Variants in POLQ observed in about 807,000 individuals in gnomAD.
POLQ encodes epididymis secretory sperm binding protein.
A neutral mutation model predicts 259.2 loss-of-function variants in POLQ; 233 were observed. The observed-to-expected ratio is 0.90, with a 90% CI of 0.81 to 1.00. The LOEUF (loss-of-function observed/expected upper bound fraction) is 1.00, where lower values mean the gene tolerates loss of function less well. Among genes scored for constraint, POLQ ranks in the 50% least tolerant of loss-of-function variants. The probability of loss-of-function intolerance (pLI) is 0.00; values close to 1 mark genes in which losing one functional copy is unlikely to be tolerated. For missense variants in POLQ, 2,871 were observed against 3,051.6 expected, an observed-to-expected ratio of 0.94 and a Z score of 1.39; for synonymous variants, 1,025 against 1,048.8, an observed-to-expected ratio of 0.98 and a Z score of 0.44.
In POLQ at chr3:121,447,171, C is replaced by CTT. The variant is rs71133535; in HGVS notation, c.7264+2142_7264+2143dup. On this transcript the variant is annotated intron_variant, in intron 26 of 29. Coordinates refer to ENST00000264233, the MANE Select transcript of POLQ (RefSeq NM_199420.4). ...GACTTGCAAATAATGTCTTATAACC[C>CTT]TTTTTTTTTTTTTTTTTGAGAAAGA... is the stretch of plus-strand genomic sequence containing the variant. Among the ~76,000 whole-genome samples the CTT allele has an allele frequency of 7.7e-3, 978 of 127,424 alleles. 21 individuals carry two copies. The highest frequency in any genetic ancestry group is 0.014 in the South Asian group (55 of 3,970). 83.6% of individuals were successfully genotyped at this position (127,424 alleles called of 152,430 possible).
chr3:121,486,180 T>C (rs1335627491), intron 16 of POLQ, among the ~76,000 whole-genome samples: 2 of 152,210 alleles, frequency 1.3e-5, no homozygotes, highest in Non-Finnish European at 2.9e-5. Context: ...TAATGTACAC[T>C]GTGAAGAACA....
chr3:121,462,979 T>C (rs1321076176), intron 24 of POLQ, among the ~76,000 whole-genome samples: 2 of 152,232 alleles, frequency 1.3e-5, no homozygotes, highest in African/African-American at 4.8e-5. Context: ...CTAGCAGCAA[T>C]GCTTCAATAT....
intron 7 of POLQ, among the ~76,000 whole-genome samples, chr3:121,522,894 G>A (rs10222514): frequency 2.0e-5 from 3 of 152,192 alleles, no homozygotes; most frequent in Non-Finnish European, 4.4e-5. Flanking sequence ...AGCAGTATCA[G>A]AGGGTTTCAC....
At chr3:121,473,882 A>T (rs1014991444) in intron 20 of POLQ, among the ~76,000 whole-genome samples, 1 of 152,042 alleles carries the variant, frequency 6.6e-6, no homozygotes, top group Non-Finnish European at 1.5e-5. Context: ...ATGCACCACC[A>T]TGCCCACCTA....
intron 25 of POLQ, 63 bp from the exon 26 acceptor site, chr3:121,449,489 A>C: frequency 5.6e-6 from 5 of 898,684 alleles, no homozygotes; most frequent in Non-Finnish European, 9.1e-6. Context: ...AAAAGGGTTC[A>C]TTAGGATGCG....
At chr3:121,478,853 T>C (rs893756221) in intron 19 of POLQ, among the ~76,000 whole-genome samples, 2 of 152,128 alleles carry the variant, frequency 1.3e-5, no homozygotes, top group Non-Finnish European at 2.9e-5. Flanking sequence ...ACACACCTAA[T>C]AAAGTGGCCT....
intron 12 of POLQ, among the ~76,000 whole-genome samples, chr3:121,506,284 C>CAAAAAA (rs2048208395): frequency 6.6e-6 from 1 of 151,368 alleles, no homozygotes; most frequent in Non-Finnish European, 1.5e-5. Flanking sequence ...CAAAACAAAA[C>CAAAAAA]AAAAACAAAA....
Position 121,541,344 on chromosome 3 carries a change from A to G in POLQ, c.474+5T>C, listed in dbSNP as rs756365410. On this transcript the variant is annotated splice_donor_5th_base_variant and intron_variant, in intron 3 of 29. Transcript: ENST00000264233. ...CACTATTTCAAACTTAGTAAAAAAC[A>G]TTACCTGGAGGTAGTATTTCTTCTC... The G allele has an allele frequency of 1.9e-6, 3 of 1,582,840 alleles. No homozygotes were observed. Among genetic ancestry groups the G allele is most frequent in the African/African-American group, 2.7e-5 (2 of 73,110 alleles).
Position 121,487,373 on chromosome 3 carries a change from G to A in POLQ, c.5558C>T (p.Ser1853Leu). Reference sequence around the variant, plus strand: ...ACTTCTAATCTTTTCACAAGCCAGTGAGATGGAAAATCGCTTTTTGCACCG... The same window carrying A: ...ACTTCTAATCTTTTCACAAGCCAGTAAGATGGAAAATCGCTTTTTGCACCG... ...EWRCKKRFSI[S>L]LACEKIRSLT... Residue 1853 changes from serine to leucine, a missense_variant, in exon 16 of 30, where the codon TCA (serine) becomes TTA (leucine). Physicochemically the swap from Ser to Leu is moderately radical, Grantham distance 145. Coordinates refer to ENST00000264233, the MANE Select transcript of POLQ (RefSeq NM_199420.4). 1 of 1,614,054 alleles carries A rather than the reference G, an allele frequency of 6.2e-7. No homozygotes were observed. Among genetic ancestry groups the A allele is most frequent in the Non-Finnish European group, 8.5e-7 (1 of 1,179,952 alleles).
At chr3:121,432,460 G>A in intron 29 of POLQ, 43 bp from the exon 30 acceptor site, 1 of 1,583,986 alleles carries the variant, frequency 6.3e-7, no homozygotes, top group Non-Finnish European at 8.5e-7. Context: ...CCCAGTCAAA[G>A]AATGTTTCCC....
intron 24 of POLQ, among the ~76,000 whole-genome samples, chr3:121,462,374 A>G (rs1342365080): frequency 1.3e-5 from 2 of 152,170 alleles, no homozygotes; most frequent in Non-Finnish European, 1.5e-5. Context: ...ATCTGAATGG[A>G]GGCATTTTCC....
At chr3:121,516,499 A>G (rs1314593376) in intron 9 of POLQ, among the ~76,000 whole-genome samples, 1 of 152,192 alleles carries the variant, frequency 6.6e-6, no homozygotes, top group African/African-American at 2.4e-5. Context: ...AAAATGTCCA[A>G]ATGAACATCA....
intron 2 of POLQ, among the ~76,000 whole-genome samples, chr3:121,542,819 T>A (rs1012760092): frequency 2.0e-5 from 3 of 151,966 alleles, no homozygotes; most frequent in African/African-American, 2.4e-5. Flanking sequence ...AAATTTTTTT[T>A]AAAAAGACCA....
chr3:121,438,677 T>C (rs796958175), intron 27 of POLQ, among the ~76,000 whole-genome samples: 7 of 152,342 alleles, frequency 4.6e-5, no homozygotes, highest in African/African-American at 1.7e-4. Flanking sequence ...AAGTCTTTCC[T>C]TCTCCCTGAA....
At chr3:121,476,499 C>G (rs560402066) in intron 20 of POLQ, 41 bp downstream of exon 20, 6 of 1,426,032 alleles carry the variant, frequency 4.2e-6, no homozygotes, top group Middle Eastern at 1.8e-4. Flanking sequence ...CATTTTAACT[C>G]TAAAAATTAT....
At position 121,533,220 on chromosome 3, in the gene POLQ, AC is replaced by A. The variant is rs2048425097; in HGVS notation, c.741-12del. The A allele has an allele frequency of 6.6e-7, 1 of 1,525,494 alleles. No homozygotes were observed. Among genetic ancestry groups the A allele is most frequent in the Middle Eastern group, 1.7e-4 (1 of 5,740 alleles). 94.5% of individuals were successfully genotyped at this position (1,525,494 alleles called of 1,614,324 possible). A position where few individuals can be genotyped will look rare whatever the true frequency, so the allele number is the denominator to read the frequency against. ...GCTAGATCTGCCTGACTGTAAAAAA[AC>A]AAATGAAAAGAACATTAAAAGATAT... On this transcript the variant is annotated splice_polypyrimidine_tract_variant and intron_variant, in intron 5 of 29. Transcript: ENST00000264233.
At chr3:121,455,725 A>T (rs1049900081) in intron 25 of POLQ, among the ~76,000 whole-genome samples, 8 of 152,228 alleles carry the variant, frequency 5.3e-5, no homozygotes, top group African/African-American at 1.9e-4. Context: ...CAGGCTCTGA[A>T]ATTGTGGCAA....
intron 25 of POLQ, among the ~76,000 whole-genome samples, chr3:121,455,825 T>C (rs960808934): frequency 6.6e-6 from 1 of 152,170 alleles, no homozygotes; most frequent in Non-Finnish European, 1.5e-5. Context: ...ACTGGTACCA[T>C]TCCTTCTGAA....
chr3:121,535,774 A>C (rs1041015310), intron 5 of POLQ, among the ~76,000 whole-genome samples: 1 of 152,104 alleles, frequency 6.6e-6, no homozygotes, highest in African/African-American at 2.4e-5. Flanking sequence ...AAGTTCTCAA[A>C]AAGTTTATAC....
Sources: gnomAD v4.1 joint callset for allele counts (sites outside exome capture counted in the v4.1 genomes callset) on GRCh38, gnomAD v4.1.1 for gene constraint, MANE v1.5 for transcripts, NCBI Gene and HGNC (gene_info 2026-07-23, HGNC 2026-07-21) for gene names.